The following TMEFF1 variants were observed in gnomAD, a reference collection of about 807,000 sequenced individuals.
TMEFF1 encodes tomoregulin-1.
Under a neutral mutation model 47.5 loss-of-function variants are expected in TMEFF1, and 20 were observed. The ratio of observed to expected loss-of-function variants is 0.42; its 90% CI spans 0.30 to 0.61. TMEFF1 has a LOEUF of 0.61. Ranked by LOEUF, TMEFF1 falls within the 20% of genes least tolerant of loss-of-function variation. TMEFF1 has a pLI of 0.19. For synonymous variants in TMEFF1, 162 were observed against 166.3 expected, an observed-to-expected ratio of 0.97 and a Z score of 0.20; for missense variants, 411 against 471.1, an observed-to-expected ratio of 0.87 and a Z score of 1.18.
intron 1 of TMEFF1, among the ~76,000 whole-genome samples, chr9:100,483,869 C>T (rs1374306810): frequency 6.6e-6 from 1 of 151,860 alleles, no homozygotes; most frequent in African/African-American, 2.4e-5. Context: ...TAGTTCCATA[C>T]TTTAAATTTT....
chr9:100,570,306 T>C (rs557048274), intron 8 of TMEFF1, among the ~76,000 whole-genome samples: 2 of 152,332 alleles, frequency 1.3e-5, no homozygotes, highest in South Asian at 2.1e-4. Context: ...AGTAATGAGA[T>C]TGCTGGATCA....
At chr9:100,518,470 C>A (rs1269748644) in intron 5 of TMEFF1, 1 of 985,230 alleles carries the variant, frequency 1.0e-6, no homozygotes, top group Non-Finnish European at 1.2e-6. Flanking sequence ...AAGGGCTTAC[C>A]AATAGTAAGG....
intron 2 of TMEFF1, among the ~76,000 whole-genome samples, chr9:100,506,514 C>T (rs1305706666): frequency 6.6e-6 from 1 of 151,786 alleles, no homozygotes; most frequent in Non-Finnish European, 1.5e-5. Flanking sequence ...GCCTGTAATC[C>T]CAGCACTTTG....
At chr9:100,510,948 C>T (rs1837952897) in intron 3 of TMEFF1, among the ~76,000 whole-genome samples, 2 of 152,110 alleles carry the variant, frequency 1.3e-5, no homozygotes, top group African/African-American at 2.4e-5. Context: ...CGTGGCCCAA[C>T]CCCCAACACT....
intron 2 of TMEFF1, among the ~76,000 whole-genome samples, chr9:100,505,239 C>T (rs1273033691): frequency 6.6e-6 from 1 of 151,270 alleles, no homozygotes; most frequent in African/African-American, 2.4e-5. Flanking sequence ...TGGTGAAACC[C>T]CGTCTCTACT....
chr9:100,486,214 C>G (rs990560136), intron 1 of TMEFF1, among the ~76,000 whole-genome samples: 1 of 152,094 alleles, frequency 6.6e-6, no homozygotes, highest in Non-Finnish European at 1.5e-5. Flanking sequence ...CTTCTTTAAT[C>G]TCAGTGTTTA....
Position 100,473,792 on chromosome 9 carries a change from T to A in TMEFF1, c.196+52T>A. On this transcript the variant is annotated intron_variant, in intron 1 of 9. Coordinates refer to ENST00000374879, the MANE Select transcript of TMEFF1 (RefSeq NM_003692.5). The surrounding 1 kb of genome is among the most constrained non-coding windows in gnomAD (Gnocchi z 5.4). ...GTCTTCCCACCCCTCCGTTGCCGCC[T>A]CCCTCGTGGTCCCTGCGGTCGGCCG... is the stretch of plus-strand genomic sequence containing the variant. 7.1e-7 allele frequency: 1 copy of A among 1,409,654 alleles called. No homozygotes were observed. Among genetic ancestry groups the A allele is most frequent in the Non-Finnish European group, 9.3e-7 (1 of 1,073,736 alleles). 87.3% of individuals were successfully genotyped at this position (1,409,654 alleles called of 1,614,324 possible).
chr9:100,550,752 C>G (rs1170296585), intron 7 of TMEFF1, among the ~76,000 whole-genome samples: 1 of 152,208 alleles, frequency 6.6e-6, no homozygotes, highest in Non-Finnish European at 1.5e-5. Context: ...GAGAACCTGT[C>G]TGTCATGTTC....
intron 1 of TMEFF1, among the ~76,000 whole-genome samples, chr9:100,497,604 G>A (rs1286470702): frequency 6.6e-6 from 1 of 152,004 alleles, no homozygotes; most frequent in Non-Finnish European, 1.5e-5. Flanking sequence ...CACCACTGCA[G>A]AGCAGTGGGA....
In TMEFF1 at chr9:100,576,767, AGTC is replaced by A; in HGVS notation, c.*168_*170del. ...CTACGACAGTTTTGGACTGTTTAGT[AGTC>A]TTTGTTTTATGTTTTTAAATACAGA... is the stretch of plus-strand genomic sequence containing the variant. On this transcript the variant is annotated 3_prime_UTR_variant, in exon 10 of 10. Transcript: ENST00000374879. The A allele has an allele frequency of 1.4e-6, 1 of 722,438 alleles. No individual in the cohort carries two copies. The highest frequency in any genetic ancestry group is 3.3e-5 in the South Asian group (1 of 30,696). 44.8% of individuals were successfully genotyped at this position (722,438 alleles called of 1,614,324 possible).
chr9:100,538,114 G>T (rs10989147), intron 5 of TMEFF1, among the ~76,000 whole-genome samples: 7,707 of 151,812 alleles, frequency 0.051, 399 homozygotes, highest in South Asian at 0.22. Context: ...GTGCATTGGC[G>T]CAGTATCAGT....
chr9:100,524,633 T>A (rs1468135831), intron 5 of TMEFF1, among the ~76,000 whole-genome samples: 1 of 152,234 alleles, frequency 6.6e-6, no homozygotes, highest in Admixed American at 6.5e-5. Flanking sequence ...TGTTTACTTA[T>A]AATCTCCCCA....
intron 8 of TMEFF1, among the ~76,000 whole-genome samples, chr9:100,564,487 A>G (rs1264385408): frequency 1.3e-5 from 2 of 152,370 alleles, no homozygotes; most frequent in East Asian, 1.9e-4. Flanking sequence ...TTGCCTTTAA[A>G]AAGCATACAA....
chr9:100,500,141 G>A (rs1267064069), intron 2 of TMEFF1, among the ~76,000 whole-genome samples: 5 of 152,094 alleles, frequency 3.3e-5, no homozygotes, highest in East Asian at 3.9e-4. Flanking sequence ...ATGAGAAGTC[G>A]GTGATAATTT....
intron 5 of TMEFF1, among the ~76,000 whole-genome samples, chr9:100,527,845 G>C (rs1445055674): frequency 2.0e-5 from 3 of 152,224 alleles, no homozygotes; most frequent in Admixed American, 6.5e-5. Flanking sequence ...GTCCCCGTCT[G>C]ACAGCTTTGA....
intron 1 of TMEFF1, among the ~76,000 whole-genome samples, chr9:100,482,248 A>C (rs1050917771): frequency 4.1e-5 from 6 of 145,884 alleles, no homozygotes; most frequent in Non-Finnish European, 7.5e-5. Context: ...CCCAGGCTGG[A>C]GTGCAGCGGC....
chr9:100,552,093 G>A lies in TMEFF1; in HGVS notation c.775+1933G>A, dbSNP rs553005824. 9.2e-5 allele frequency among the ~76,000 whole-genome samples: 14 copies of A among 152,324 alleles called. No individual in the cohort carries two copies. In the South Asian group the frequency reaches 1.7e-3, roughly 18 times the overall value. ...TGGAGAATAGGAGGCTTAAGAGGTA[G>A]AAGTAGAAGGCAAGACTAGAAAGAC... On this transcript the variant is annotated intron_variant, in intron 7 of 9. Coordinates refer to ENST00000374879, the MANE Select transcript of TMEFF1 (RefSeq NM_003692.5).
chr9:100,489,108 A>G (rs1361139895), intron 1 of TMEFF1, among the ~76,000 whole-genome samples: 1 of 152,006 alleles, frequency 6.6e-6, no homozygotes, highest in Admixed American at 6.5e-5. Flanking sequence ...CCACATAGAG[A>G]CTTTCTCTGT....
intron 7 of TMEFF1, among the ~76,000 whole-genome samples, chr9:100,553,844 G>A (rs1461098021): frequency 1.3e-5 from 2 of 152,028 alleles, no homozygotes; most frequent in Non-Finnish European, 2.9e-5. Context: ...CTCATTTTAT[G>A]GTTTTTAAAG....
Sources: allele counts gnomAD v4.1 joint callset (sites outside exome capture counted in the v4.1 genomes callset), GRCh38; gene constraint gnomAD v4.1.1; non-coding constraint Gnocchi (gnomAD v3.1); transcripts MANE v1.5; gene names NCBI Gene and HGNC (gene_info 2026-07-23, HGNC 2026-07-21).